Variants in NRG1 observed in about 807,000 individuals in gnomAD.
The protein encoded by NRG1 is neuregulin 1.
A neutral mutation model predicts 63.8 loss-of-function variants in NRG1; 18 were observed. That is an observed-to-expected ratio of 0.28 (90% CI 0.19 to 0.42). The LOEUF (loss-of-function observed/expected upper bound fraction) is 0.42. Ranked by LOEUF, NRG1 falls within the 10% of genes least tolerant of loss-of-function variation. The pLI, the probability that NRG1 is intolerant of heterozygous loss-of-function variation, is 1.00. For missense variants in NRG1, 762 were observed against 814.7 expected (o/e 0.94, Z 0.79); for synonymous variants, 302 against 301.3 (o/e 1.00, Z -0.02).
In NRG1 at chr8:32,280,235, C is replaced by T. The variant is rs543558501; in HGVS notation, c.38-315593C>T. Among the ~76,000 whole-genome samples, 9 of 152,312 alleles carry T rather than the reference C, an allele frequency of 5.9e-5. No individual in the cohort carries two copies. In the East Asian group the frequency reaches 1.7e-3, roughly 29 times the overall value. On this transcript the variant is annotated intron_variant, in intron 1 of 10. Coordinates refer to the NRG1 transcript ENST00000519301. ...TCCCCACCAAGTGGTTATCTAAATT[C>T]CGTTTGACTTCCCTTGGCAGGGAAT...
chr8:31,844,568 C>G (rs147678663), intron 1 of NRG1, among the ~76,000 whole-genome samples: 1 of 152,138 alleles, frequency 6.6e-6, no homozygotes, highest in Non-Finnish European at 1.5e-5. Flanking sequence ...CCGAAGGGAG[C>G]TTCATGAACT....
chr8:32,107,060 TACAACAACAACA>T (rs10633352), intron 1 of NRG1, among the ~76,000 whole-genome samples: 1 of 150,070 alleles, frequency 6.7e-6, no homozygotes, highest in Non-Finnish European at 1.5e-5. Flanking sequence ...CTACTAAAAA[TACAACAACAACA>T]ACAACAACAA....
At chr8:31,651,881 T>C (rs1804881948) in intron 1 of NRG1, among the ~76,000 whole-genome samples, 1 of 152,188 alleles carries the variant, frequency 6.6e-6, no homozygotes, top group Non-Finnish European at 1.5e-5. Flanking sequence ...CCTCAATCTA[T>C]ATCTCTAGCC....
intron 1 of NRG1, among the ~76,000 whole-genome samples, chr8:31,724,432 C>A (rs1813224439): frequency 6.6e-6 from 1 of 152,102 alleles, no homozygotes; most frequent in South Asian, 2.1e-4. Flanking sequence ...ACCTGAGGAG[C>A]TGAAGAGAGA....
intron 5 of NRG1, among the ~76,000 whole-genome samples, chr8:32,681,694 G>T (rs528594982): frequency 2.2e-4 from 34 of 152,220 alleles, no homozygotes; most frequent in African/African-American, 7.2e-4. Flanking sequence ...TTAACTCTTG[G>T]AATATCGTCA....
chr8:31,934,113 G>A (rs1489567509), intron 1 of NRG1, among the ~76,000 whole-genome samples: 1 of 152,122 alleles, frequency 6.6e-6, no homozygotes, highest in East Asian at 1.9e-4. Context: ...CTTCATGTGT[G>A]TGCATATATA....
At chr8:32,530,312 T>A (rs1831327145) in intron 1 of NRG1, among the ~76,000 whole-genome samples, 1 of 152,142 alleles carries the variant, frequency 6.6e-6, no homozygotes, top group African/African-American at 2.4e-5. Flanking sequence ...TTTCACCGTG[T>A]TAGCCAGGAT....
intron 1 of NRG1, among the ~76,000 whole-genome samples, chr8:32,248,057 G>A (rs540431656): frequency 3.9e-5 from 6 of 152,116 alleles, no homozygotes; most frequent in South Asian, 2.1e-4. Context: ...AACTTTCTAC[G>A]TCTATTCAGC....
At chr8:32,416,781 G>A (rs1286907322) in intron 1 of NRG1, among the ~76,000 whole-genome samples, 1 of 152,032 alleles carries the variant, frequency 6.6e-6, no homozygotes, top group African/African-American at 2.4e-5. Context: ...TCAACCTCCT[G>A]GGCTCAAGCG....
At chr8:32,040,675 A>G (rs1819808188) in intron 1 of NRG1, among the ~76,000 whole-genome samples, 1 of 143,576 alleles carries the variant, frequency 7.0e-6, no homozygotes. Context: ...ATGTATATAC[A>G]CACACACATA....
At chr8:32,209,767 T>TTCCG (rs1298870360) in intron 1 of NRG1, among the ~76,000 whole-genome samples, 1 of 144,986 alleles carries the variant, frequency 6.9e-6, no homozygotes, top group Non-Finnish European at 1.5e-5. Context: ...CCTTCCTTCC[T>TTCCG]TCCTTCCTTC....
rs183859903 is a variant in NRG1, at chr8:32,537,464, G to A, written c.38-58364G>A. On this transcript the variant is annotated intron_variant, in intron 1 of 10. Coordinates refer to the NRG1 transcript ENST00000519301. Reference sequence around the variant, plus strand: ...TGCAGCTGTAAGGGCATTGGCCAGGGATAATTCAGAATTACCTTTTCACTA... The same window carrying A: ...TGCAGCTGTAAGGGCATTGGCCAGGAATAATTCAGAATTACCTTTTCACTA... Among the ~76,000 whole-genome samples, 117 of 152,264 alleles carry A rather than the reference G, an allele frequency of 7.7e-4. 1 individual carries two copies. Among genetic ancestry groups the A allele is most frequent in the Non-Finnish European group, 3.1e-4 (21 of 68,026 alleles).
intron 1 of NRG1, among the ~76,000 whole-genome samples, chr8:31,956,176 G>A (rs1019135880): frequency 2.0e-5 from 3 of 151,988 alleles, no homozygotes; most frequent in African/African-American, 7.3e-5. Flanking sequence ...TGATAATGTG[G>A]CCCATAATTG....
chr8:32,585,677 G>A (rs1041336266), intron 1 of NRG1, among the ~76,000 whole-genome samples: 31 of 142,114 alleles, frequency 2.2e-4, no homozygotes, highest in African/African-American at 7.5e-4. Flanking sequence ...AACACCAATC[G>A]CAAGTATTGC....
At chr8:32,432,461 T>C (rs892676401) in intron 1 of NRG1, among the ~76,000 whole-genome samples, 7 of 152,152 alleles carry the variant, frequency 4.6e-5, no homozygotes, top group Admixed American at 1.3e-4. Flanking sequence ...TGATTTTTCC[T>C]CACAGCAAAG....
intron 1 of NRG1, among the ~76,000 whole-genome samples, chr8:32,017,363 T>C (rs1322303530): frequency 1.3e-5 from 2 of 152,156 alleles, no homozygotes; most frequent in Non-Finnish European, 2.9e-5. Context: ...TCAACACAGA[T>C]GACTTCTGTG....
At chr8:31,902,195 T>C (rs1832141680) in intron 1 of NRG1, among the ~76,000 whole-genome samples, 1 of 152,060 alleles carries the variant, frequency 6.6e-6, no homozygotes, top group Non-Finnish European at 1.5e-5. Flanking sequence ...AGGAGCAAAA[T>C]AAGCTCTGTG....
rs180675972 is a variant in NRG1, at chr8:32,091,054, C to T, written c.37+451623C>T. On this transcript the variant is annotated intron_variant, in intron 1 of 10. Transcript: ENST00000519301. Reference sequence around the variant, plus strand: ...CAGAACTCTGGGAGGCCGAGGTGGGCGGATCACGAGGTCAGGAGATCGAGA... The same window carrying T: ...CAGAACTCTGGGAGGCCGAGGTGGGTGGATCACGAGGTCAGGAGATCGAGA... Among the ~76,000 whole-genome samples the T allele has an allele frequency of 1.4e-3, 212 of 152,174 alleles. 5 individuals carry two copies. The East Asian group carries it at 0.034, about 24-fold the overall frequency.
chr8:32,017,862 A>G (rs909289256), intron 1 of NRG1, among the ~76,000 whole-genome samples: 7 of 152,146 alleles, frequency 4.6e-5, no homozygotes, highest in African/African-American at 9.7e-5. Context: ...TTACGAAAGC[A>G]TGACTGACAA....
Sources: allele counts gnomAD v4.1 joint callset (sites outside exome capture counted in the v4.1 genomes callset), GRCh38; gene constraint gnomAD v4.1.1; transcripts MANE v1.5; gene names NCBI Gene and HGNC (gene_info 2026-07-23, HGNC 2026-07-21).